NOA1: variants seen among roughly 807,000 people sequenced by gnomAD.
NOA1 encodes nitric oxide associated 1, also known as nitric oxide-associated protein 1.
NOA1 carries 35 observed loss-of-function variants against 58.4 expected under a neutral mutation model. The observed-to-expected ratio is 0.60, with a 90% CI of 0.46 to 0.79. NOA1 has a LOEUF of 0.79. Ranked by LOEUF, NOA1 falls within the 30% of genes least tolerant of loss-of-function variation. The pLI is 0.00. For missense variants in NOA1, 895 were observed against 894.6 expected, an observed-to-expected ratio of 1.00 and a Z score of -0.01; for synonymous variants, 397 against 373.4, an observed-to-expected ratio of 1.06 and a Z score of -0.73.
chr4:56,976,226 A>G (rs1291316724), intron 1 of NOA1, among the ~76,000 whole-genome samples: 1 of 152,212 alleles, frequency 6.6e-6, no homozygotes, highest in Non-Finnish European at 1.5e-5. Flanking sequence ...TGCTCCATAA[A>G]CACTTCCATT....
At chr4:56,968,823 G>A (rs1721762577) in intron 3 of NOA1, among the ~76,000 whole-genome samples, 1 of 152,222 alleles carries the variant, frequency 6.6e-6, no homozygotes, top group Admixed American at 6.5e-5. Context: ...CTGAAAACAT[G>A]TTGATTCAAT....
chr4:56,965,693 G>GGTGTGTGTGTGTGTGTGTGT (rs10548713), intron 5 of NOA1, among the ~76,000 whole-genome samples: 2 of 149,062 alleles, frequency 1.3e-5, no homozygotes, highest in African/African-American at 5.0e-5. Context: ...TCCAAAGTAT[G>GGTGTGTGTGTGTGTGTGTGT]GTGTGTGTGT....
rs1386464898 is a variant in NOA1 at position 56,966,606 on chromosome 4, G to C, written c.1764+14C>G. 6.7e-7 allele frequency: 1 copy of C among 1,485,366 alleles called. No homozygotes were observed. The highest frequency in any genetic ancestry group is 1.4e-5 in the African/African-American group (1 of 72,182). The allele number at this position is 1,485,366 out of a possible 1,614,324, so 92.0% of individuals were successfully genotyped here. On this transcript the variant is annotated intron_variant, in intron 5 of 6. Coordinates refer to ENST00000264230, the MANE Select transcript of NOA1 (RefSeq NM_032313.4). ...TACTAACCATAACCATGCAATCAAG[G>C]CATGTTGCCTTACCTGGAGTAACGT...
intron 3 of NOA1, 49 bp downstream of exon 3, chr4:56,973,099 T>C (rs987065323): frequency 6.4e-7 from 1 of 1,553,124 alleles, no homozygotes; most frequent in Non-Finnish European, 8.9e-7. Context: ...ATAAACCCAT[T>C]AAAAAAGAAA....
chr4:56,972,310 CACAGCTGTAGGAAA>C (rs1721824710), intron 3 of NOA1, among the ~76,000 whole-genome samples: 1 of 152,094 alleles, frequency 6.6e-6, no homozygotes, highest in South Asian at 2.1e-4. Flanking sequence ...TTTCCTACAG[CACAGCTGTAGGAAA>C]TGAAGACAAA....
chr4:56,966,089 C>G (rs1460054531), intron 5 of NOA1, among the ~76,000 whole-genome samples: 4 of 142,768 alleles, frequency 2.8e-5, no homozygotes, highest in Non-Finnish European at 6.0e-5. Context: ...CGCAGTAGCG[C>G]GATCTTGGCT....
chr4:56,973,744 G>A, intron 2 of NOA1, 114 bp downstream of exon 2: 1 of 991,246 alleles, frequency 1.0e-6, no homozygotes, highest in Non-Finnish European at 1.5e-6. Flanking sequence ...GCAGAATAAG[G>A]AAGGCAGTCT....
intron 5 of NOA1, 88 bp from the exon 6 acceptor site, chr4:56,964,614 A>AT: frequency 7.3e-7 from 1 of 1,373,660 alleles, no homozygotes; most frequent in Non-Finnish European, 1.0e-6. Flanking sequence ...ATAATTCTGT[A>AT]CAGGGATCAA....
At position 56,977,411 on chromosome 4, in the gene NOA1, T is replaced by C. The variant is rs1721971582; in HGVS notation, c.175A>G (p.Thr59Ala). Residue 59 changes from threonine (T) to alanine (A), a missense_variant, in exon 1 of 7, where the codon ACG becomes GCG. By Grantham distance (58) the Thr-to-Ala change is moderately conservative (BLOSUM62 0). Coordinates refer to ENST00000264230, the MANE Select transcript of NOA1 (RefSeq NM_032313.4). ...GRELPYDPVDTEGFGEGGDMQ... is the reference protein window; with the variant it reads ...GRELPYDPVDAEGFGEGGDMQ... ...TCACCACCTTCTCCAAAGCCCTCCG[T>C]GTCCACGGGGTCATAAGGAAGCTCG... 1.9e-6 allele frequency: 3 copies of C among 1,614,184 alleles called. No homozygotes were observed. The East Asian group carries it at 6.7e-5, about 36-fold the overall frequency.
intron 1 of NOA1, among the ~76,000 whole-genome samples, chr4:56,975,748 C>T (rs189937446): frequency 2.0e-5 from 3 of 152,118 alleles, no homozygotes; most frequent in Non-Finnish European, 4.4e-5. Flanking sequence ...TAGTGGCGTG[C>T]GCCTGTAATC....
chr4:56,970,118 G>A (rs1446900629), intron 3 of NOA1, among the ~76,000 whole-genome samples: 2 of 151,938 alleles, frequency 1.3e-5, no homozygotes, highest in African/African-American at 2.4e-5. Context: ...TGGGCAACAC[G>A]GCAAAACCTC....
At chr4:56,972,650 T>C (rs935533095) in intron 3 of NOA1, among the ~76,000 whole-genome samples, 1 of 152,208 alleles carries the variant, frequency 6.6e-6, no homozygotes, top group African/African-American at 2.4e-5. Flanking sequence ...GACCCCTTGA[T>C]GGATATGTTA....
intron 6 of NOA1, among the ~76,000 whole-genome samples, chr4:56,963,864 C>T (rs1259659486): frequency 6.6e-6 from 1 of 152,124 alleles, no homozygotes; most frequent in African/African-American, 2.4e-5. Context: ...CGTACTGCCT[C>T]GGCGTCCCGA....
chr4:56,971,851 G>C (rs909157357), intron 3 of NOA1, among the ~76,000 whole-genome samples: 1 of 151,700 alleles, frequency 6.6e-6, no homozygotes, highest in African/African-American at 2.4e-5. Flanking sequence ...TTGGATAAAA[G>C]AGAGGCATAG....
chr4:56,976,415 G>A lies in NOA1; in HGVS notation c.1144+27C>T, dbSNP rs767619220. On this transcript the variant is annotated intron_variant, in intron 1 of 6. Transcript: ENST00000264230. ...CCAGACGTCCACCTTGCCAGGAAAC[G>A]AAGAGGGCGAGCCTCCTAAAACTCA... 8.2e-6 allele frequency: 13 copies of A among 1,587,944 alleles called. No homozygotes were observed. The South Asian group carries it at 1.3e-4, about 16-fold the overall frequency.
rs1721969984 is a variant in NOA1 at position 56,977,380 on chromosome 4, T to TG, written c.205dup (p.Gln69ProfsTer288). 1 of 1,614,086 alleles carries TG rather than the reference T, an allele frequency of 6.2e-7. No individual in the cohort carries two copies. Among genetic ancestry groups the TG allele is most frequent in the Admixed American group, 1.7e-5 (1 of 60,012 alleles). Reference sequence around the variant, plus strand: ...GTACTCCGGGAACAGAAAACGCTCCTGCATGTCACCACCTTCTCCAAAGCC... The same window carrying TG: ...GTACTCCGGGAACAGAAAACGCTCCTGGCATGTCACCACCTTCTCCAAAGCC... On this transcript the variant is annotated frameshift_variant, in exon 1 of 7. Coordinates refer to ENST00000264230, the MANE Select transcript of NOA1 (RefSeq NM_032313.4). LOFTEE classifies it high-confidence loss of function.
In NOA1 at chr4:56,976,887, G is replaced by T; in HGVS notation, c.699C>A (p.Asp233Glu). ...LLDLPDALLP[D>E]LPALVGPKQL... ...GCTTGGGGCCCACCAGCGCGGGCAA[G>T]TCGGGCAGCAGGGCGTCGGGCAGGT... The change falls in exon 1 of 7, where the codon GAC becomes GAA. Residue 233 changes from aspartate (D) to glutamate (E), a missense_variant. Asp to Glu is a conservative substitution (Grantham distance 45). Transcript: ENST00000264230. 6.2e-7 allele frequency: 1 copy of T among 1,613,030 alleles called. No individual in the cohort carries two copies.
intron 3 of NOA1, among the ~76,000 whole-genome samples, chr4:56,970,384 T>C (rs534869441): frequency 4.6e-5 from 7 of 151,572 alleles, no homozygotes; most frequent in Non-Finnish European, 8.8e-5. Context: ...AGTGGGAGAA[T>C]TGGTTGAGCC....
At chr4:56,970,253 A>G (rs1333681897) in intron 3 of NOA1, among the ~76,000 whole-genome samples, 1 of 151,800 alleles carries the variant, frequency 6.6e-6, no homozygotes, top group African/African-American at 2.4e-5. Flanking sequence ...CCAAGATTCC[A>G]CCACTGCACT....
Sources: allele counts gnomAD v4.1 joint callset (sites outside exome capture counted in the v4.1 genomes callset), GRCh38; gene constraint gnomAD v4.1.1; transcripts MANE v1.5; gene names NCBI Gene and HGNC (gene_info 2026-07-23, HGNC 2026-07-21).